Variants in CSTPP1 observed in about 807,000 individuals in gnomAD.
The protein encoded by CSTPP1 is UPF0705 protein C11orf49.
the CSTPP1 span, chr11:47,137,998 A>G: frequency 1.9e-6 from 1 of 538,648 alleles, no homozygotes; most frequent in Non-Finnish European, 3.3e-6. Context: ...AAAAGCCCAG[A>G]CCCCTCCAAT....
chr11:46,945,000 A>G, the CSTPP1 span, among the ~76,000 whole-genome samples: 1 of 152,242 alleles, frequency 6.6e-6, no homozygotes, highest in Non-Finnish European at 1.5e-5. Context: ...TATGTGGAAG[A>G]TAAGTGTTAC....
the CSTPP1 span, among the ~76,000 whole-genome samples, chr11:47,113,215 C>T: frequency 6.6e-6 from 1 of 152,114 alleles, no homozygotes; most frequent in Non-Finnish European, 1.5e-5. Context: ...GTATATGTGC[C>T]ACATTTTCTT....
the CSTPP1 span, among the ~76,000 whole-genome samples, chr11:46,975,328 G>C: frequency 6.6e-6 from 1 of 152,138 alleles, no homozygotes; most frequent in African/African-American, 2.4e-5. Flanking sequence ...ATAACAAAGT[G>C]ATTTGTGCAG....
the CSTPP1 span, among the ~76,000 whole-genome samples, chr11:47,104,984 C>T: frequency 3.1e-4 from 47 of 152,190 alleles, no homozygotes; most frequent in Non-Finnish European, 5.1e-4. Context: ...CCTGCAGTTC[C>T]CAAATCAAAA....
chr11:47,077,801 T>C, the CSTPP1 span, among the ~76,000 whole-genome samples: 1 of 152,118 alleles, frequency 6.6e-6, no homozygotes, highest in Non-Finnish European at 1.5e-5. Context: ...AATAATAGAA[T>C]TGATTATCTG....
chr11:46,995,997 C>T, the CSTPP1 span, among the ~76,000 whole-genome samples: 6 of 152,172 alleles, frequency 3.9e-5, no homozygotes, highest in Non-Finnish European at 8.8e-5. Context: ...ATAGTTAGCT[C>T]TTCTTGTTGA....
the CSTPP1 span, among the ~76,000 whole-genome samples, chr11:47,054,310 C>CAAAAA: frequency 2.4e-5 from 1 of 41,556 alleles, no homozygotes; most frequent in Non-Finnish European, 5.0e-5. Flanking sequence ...TACTCCGTCT[C>CAAAAA]AAAAAAAAAA....
chr11:47,137,250 G>A, the CSTPP1 span: 4 of 1,290,642 alleles, frequency 3.1e-6, no homozygotes, highest in Non-Finnish European at 4.0e-6. Flanking sequence ...GCATGTGGTG[G>A]GAAACGTTAC....
chr11:46,970,377 C>T, the CSTPP1 span, among the ~76,000 whole-genome samples: 1 of 150,742 alleles, frequency 6.6e-6, no homozygotes, highest in Non-Finnish European at 1.5e-5. Context: ...ACATTGTGCA[C>T]ATGTACCCTA....
At chr11:47,066,981 G>A in the CSTPP1 span, among the ~76,000 whole-genome samples, 2 of 152,134 alleles carry the variant, frequency 1.3e-5, no homozygotes, top group African/African-American at 2.4e-5. Flanking sequence ...ATGTCGATTA[G>A]CCTATGATGA....
At chr11:46,971,001 T>C in the CSTPP1 span, among the ~76,000 whole-genome samples, 1 of 152,186 alleles carries the variant, frequency 6.6e-6, no homozygotes, top group Non-Finnish European at 1.5e-5. Context: ...AAATGAGTTG[T>C]AGAATAAAGT....
the CSTPP1 span, chr11:47,161,708 C>T: frequency 1.3e-6 from 2 of 1,528,392 alleles, no homozygotes; most frequent in Non-Finnish European, 1.8e-6. Flanking sequence ...GCCCACCCAG[C>T]CTCCTCTCCA....
the CSTPP1 span, among the ~76,000 whole-genome samples, chr11:46,966,429 G>A: frequency 0.017 from 2,627 of 152,184 alleles, 71 homozygotes; most frequent in African/African-American, 0.06. Flanking sequence ...CAGATGTAGA[G>A]TTTTCCAAAA....
chr11:47,051,039 G>A, the CSTPP1 span, among the ~76,000 whole-genome samples: 4 of 152,198 alleles, frequency 2.6e-5, no homozygotes, highest in Non-Finnish European at 5.9e-5. Flanking sequence ...CATGAAGTTG[G>A]TCTAGGAGAA....
At chr11:47,068,293 A>ATC in the CSTPP1 span, among the ~76,000 whole-genome samples, 1 of 152,184 alleles carries the variant, frequency 6.6e-6, no homozygotes, top group African/African-American at 2.4e-5. Flanking sequence ...GTACTTTGAG[A>ATC]GGCTGAGGTG....
chr11:47,105,960 T>C, the CSTPP1 span, among the ~76,000 whole-genome samples: 164 of 152,340 alleles, frequency 1.1e-3, 2 homozygotes, highest in South Asian at 0.032. Flanking sequence ...GAAAGGAAAC[T>C]TTCATTAAAT....
At chr11:46,964,374 C>T in the CSTPP1 span, among the ~76,000 whole-genome samples, 3 of 152,030 alleles carry the variant, frequency 2.0e-5, no homozygotes, top group African/African-American at 7.3e-5. Flanking sequence ...GAAGCTCCGC[C>T]TCCCGGGTTC....
the CSTPP1 span, among the ~76,000 whole-genome samples, chr11:46,975,515 A>G: frequency 5.8e-4 from 89 of 152,148 alleles, no homozygotes; most frequent in African/African-American, 2.0e-3. Flanking sequence ...TTTAATTTGA[A>G]CCCTCTTATG....
the CSTPP1 span, among the ~76,000 whole-genome samples, chr11:46,962,908 C>T: frequency 6.6e-6 from 1 of 152,002 alleles, no homozygotes; most frequent in African/African-American, 2.4e-5. Flanking sequence ...GAGCCGTGTT[C>T]ACATTACTGC....
Sources: gnomAD v4.1 joint callset for allele counts (sites outside exome capture counted in the v4.1 genomes callset) on GRCh38, gnomAD v4.1.1 for gene constraint, MANE v1.5 for transcripts, NCBI Gene and HGNC (gene_info 2026-07-23, HGNC 2026-07-21) for gene names.